The following NDEL1 variants were observed in gnomAD, a reference collection of about 807,000 sequenced individuals.
NDEL1 encodes the protein nuclear distribution protein nudE-like 1.
A neutral mutation model predicts 45.7 loss-of-function variants in NDEL1; 9 were observed. The observed-to-expected ratio is 0.20, with a 90% confidence interval of 0.12 to 0.34. The LOEUF is 0.34. Ranked by LOEUF, NDEL1 falls within the 10% of genes least tolerant of loss-of-function variation. The probability of loss-of-function intolerance (pLI) is 1.00; values close to 1 mark genes in which losing one functional copy is unlikely to be tolerated. For missense variants in NDEL1, 306 were observed against 406.2 expected, an observed-to-expected ratio of 0.75 and a Z score of 2.12; for synonymous variants, 133 against 158.6, an observed-to-expected ratio of 0.84 and a Z score of 1.21.
chr17:8,426,114 C>G (rs575374242), intron 1 of NDEL1, among the ~76,000 whole-genome samples: 1 of 152,202 alleles, frequency 6.6e-6, no homozygotes, highest in Non-Finnish European at 1.5e-5. Context: ...TGTTTCCCTT[C>G]TATTTTCCTT....
At chr17:8,428,831 G>C (rs171997) in intron 1 of NDEL1, among the ~76,000 whole-genome samples, 1 of 151,384 alleles carries the variant, frequency 6.6e-6, no homozygotes, top group Admixed American at 6.6e-5. Context: ...CTGCCACCAC[G>C]CCCGGCTAAT....
Position 8,452,687 on chromosome 17 carries a change from CTCTTTCTTTCTTTT to C in NDEL1, c.700+1743_700+1756del, listed in dbSNP as rs530743706. 1.2e-3 allele frequency among the ~76,000 whole-genome samples: 170 copies of C among 146,686 alleles called. 1 individual carries two copies. The highest frequency in any genetic ancestry group is 2.2e-3 in the Non-Finnish European group (146 of 66,218). Reference sequence around the variant, plus strand: ...TTTGTTTCTCTTTCTTTCTTTCTTTCTCTTTCTTTCTTTTTCTTTCTTCCTTTCTTTCTTTTCTT... The same window carrying C: ...TTTGTTTCTCTTTCTTTCTTTCTTTCTCTTTCTTCCTTTCTTTCTTTTCTT... On this transcript the variant is annotated intron_variant, in intron 6 of 8. Coordinates refer to ENST00000334527, the MANE Select transcript of NDEL1 (RefSeq NM_030808.5).
chr17:8,445,561 C>A, intron 2 of NDEL1, 150 bp from the exon 3 acceptor site: 1 of 729,426 alleles, frequency 1.4e-6, no homozygotes. Flanking sequence ...TGAATATATA[C>A]AGTAAGAGAT....
chr17:8,462,663 C>T (rs1488846021), intron 8 of NDEL1: 5 of 152,246 alleles, frequency 3.3e-5, no homozygotes, highest in African/African-American at 1.2e-4. Flanking sequence ...AAAAGTGCCC[C>T]ATTTGAAAAA....
chr17:8,448,818 C>T, intron 5 of NDEL1, 132 bp downstream of exon 5: 1 of 938,836 alleles, frequency 1.1e-6, no homozygotes, highest in Non-Finnish European at 1.5e-6. Context: ...GCATTCAAAA[C>T]CCTGTATATG....
intron 1 of NDEL1, among the ~76,000 whole-genome samples, chr17:8,425,180 G>T (rs1282340376): frequency 1.3e-5 from 2 of 152,248 alleles, no homozygotes; most frequent in Admixed American, 1.3e-4. Flanking sequence ...TAGGATCAAG[G>T]CAGGATATGA....
intron 8 of NDEL1, chr17:8,464,328 A>G (rs968330115): frequency 6.6e-6 from 1 of 152,184 alleles, no homozygotes; most frequent in Non-Finnish European, 1.5e-5. Flanking sequence ...TGTCTTGTGC[A>G]CTGGGACATT....
At chr17:8,414,565 G>A (rs1908500580) in intron 1 of NDEL1, among the ~76,000 whole-genome samples, 1 of 152,180 alleles carries the variant, frequency 6.6e-6, no homozygotes, top group Non-Finnish European at 1.5e-5. Flanking sequence ...TACCCGGGAG[G>A]CTGAGGCAGG....
At chr17:8,416,419 A>T (rs771433249) in intron 1 of NDEL1, among the ~76,000 whole-genome samples, 4 of 152,120 alleles carry the variant, frequency 2.6e-5, no homozygotes, top group Non-Finnish European at 5.9e-5. Context: ...TTCTATTCTT[A>T]TACTTGTTGA....
intron 1 of NDEL1, among the ~76,000 whole-genome samples, chr17:8,443,577 T>G (rs562727440): frequency 1.3e-5 from 2 of 151,838 alleles, no homozygotes; most frequent in African/African-American, 4.8e-5. Flanking sequence ...TGACGATCAG[T>G]TGGGAGTTGT....
chr17:8,438,193 G>A lies in NDEL1; in HGVS notation c.-13+2148G>A, dbSNP rs186936640. ...AGGCTGGTCTCGAACTCCTCACCTC[G>A]TGATCCGCCTGCCTCAGCCTCACAA... On this transcript the variant is annotated intron_variant, in intron 1 of 8. Transcript: ENST00000334527. Among the ~76,000 whole-genome samples, 957 of 152,240 alleles carry A rather than the reference G, an allele frequency of 6.3e-3. 14 individuals carry two copies. The highest frequency in any genetic ancestry group is 0.021 in the African/African-American group (863 of 41,532).
chr17:8,473,865 A>C (rs766492633), intron 3 of NDEL1, among the ~76,000 whole-genome samples: 1 of 152,210 alleles, frequency 6.6e-6, no homozygotes, highest in Non-Finnish European at 1.5e-5. Flanking sequence ...GTCTGCCTGA[A>C]AATGCAGCCT....
In NDEL1 at chr17:8,430,786, C is replaced by T. The variant is rs144456911; in HGVS notation, c.-12-13474C>T. On this transcript the variant is annotated intron_variant, in intron 1 of 4. Transcript: ENST00000582812. ...TGGTTTTATAACTTCTGTTCCCTTTCGGGGCTGATTTCCATCTTCCTTTCC... is the reference window on the plus strand; with the variant it reads ...TGGTTTTATAACTTCTGTTCCCTTTTGGGGCTGATTTCCATCTTCCTTTCC... Among the ~76,000 whole-genome samples the T allele has an allele frequency of 9.2e-5, 14 of 152,290 alleles. No homozygotes were observed. The South Asian group carries it at 1.0e-3, about 11-fold the overall frequency.
At position 8,450,950 on chromosome 17, in the gene NDEL1, A is replaced by G; in HGVS notation, c.697A>G (p.Lys233Glu). ...AACGGAGAACACTTTTCCTTCACCG[A>G]AAGGTTTGTAATGTCTTTTCTTTTT... ...KGTENTFPSP[K>E]AIPNGFGTSP... Residue 233 changes from lysine (K) to glutamate (E), a missense_variant, in exon 6 of 9, where the codon AAA becomes GAA. Transcript: ENST00000334527. The G allele has an allele frequency of 1.2e-6, 2 of 1,606,450 alleles. No homozygotes were observed. The highest frequency in any genetic ancestry group is 1.7e-6 in the Non-Finnish European group (2 of 1,177,628).
At chr17:8,463,032 G>A (rs138827047) in intron 8 of NDEL1, 3 of 276,516 alleles carry the variant, frequency 1.1e-5, no homozygotes, top group Middle Eastern at 1.1e-3. Flanking sequence ...ATGGGCTGCC[G>A]TGCCTGCTTC....
chr17:8,464,427 G>C (rs921843336), intron 8 of NDEL1: 1 of 151,910 alleles, frequency 6.6e-6, no homozygotes, highest in Non-Finnish European at 1.5e-5. Flanking sequence ...GCACAGCTTT[G>C]CAGGCCTCTG....
Position 8,428,360 on chromosome 17 carries a change from G to T in NDEL1, c.-13+15091G>T, listed in dbSNP as rs954569406. 1.9e-3 allele frequency among the ~76,000 whole-genome samples: 53 copies of T among 27,250 alleles called. 6 individuals are homozygous for T. The highest frequency in any genetic ancestry group is 2.8e-3 in the South Asian group (2 of 720). The allele number at this position is 27,250 out of a possible 152,430, so 17.9% of individuals were successfully genotyped here. A position where few individuals can be genotyped will look rare whatever the true frequency, so the allele number is the denominator to read the frequency against. On this transcript the variant is annotated intron_variant, in intron 1 of 4. Transcript: ENST00000582812. The stretch of plus-strand genomic sequence containing the variant: ...TGTGTGTGTGTGTGTGTGTGTGTGT[G>T]TATTTTTTTTTTTTTTTTTTCCGAG...
chr17:8,415,602 AT>A (rs1908529779), intron 1 of NDEL1, among the ~76,000 whole-genome samples: 1 of 149,704 alleles, frequency 6.7e-6, no homozygotes, highest in Admixed American at 6.7e-5. Flanking sequence ...TACTTGGCTG[AT>A]TTTTGTATTT....
In NDEL1 at chr17:8,465,363, A is replaced by G. The variant is rs148655595; in HGVS notation, c.945-1567A>G. On this transcript the variant is annotated intron_variant, in intron 8 of 8. Coordinates refer to ENST00000334527, the MANE Select transcript of NDEL1 (RefSeq NM_030808.5). The surrounding 1 kb of genome is among the most constrained non-coding windows in gnomAD (Gnocchi z 4.9). ...ACCTAACCCAGTGAGGAAAGAGACA[A>G]TCTGGCTGTTTGTCGTCGAAGTAGG... is the stretch of plus-strand genomic sequence containing the variant. The G allele has an allele frequency of 3.9e-5, 6 of 152,350 alleles. No homozygotes were observed. The East Asian group carries it at 1.2e-3, about 29-fold the overall frequency. The allele number at this position is 152,350 out of a possible 1,614,324, so 9.4% of individuals were successfully genotyped here.
Sources: gnomAD v4.1 joint callset for allele counts (sites outside exome capture counted in the v4.1 genomes callset) on GRCh38, gnomAD v4.1.1 for gene constraint, Gnocchi (gnomAD v3.1) non-coding constraint, MANE v1.5 for transcripts, NCBI Gene and HGNC (gene_info 2026-07-23, HGNC 2026-07-21) for gene names.